TMED3: variants seen among roughly 807,000 people sequenced by gnomAD.
TMED3 encodes the protein transmembrane p24 trafficking protein 3, also known as transmembrane emp24 domain-containing protein 3.
A neutral mutation model predicts 15.0 loss-of-function variants in TMED3; 9 were observed. The observed-to-expected ratio is 0.60, with a 90% CI of 0.36 to 1.04. The LOEUF is 1.04. Among genes scored for constraint, TMED3 ranks in the 50% least tolerant of loss-of-function variants. TMED3 has a pLI of 0.01. For synonymous variants in TMED3, 117 were observed against 121.4 expected (o/e 0.96, Z 0.24); for missense variants, 267 against 278.9 (o/e 0.96, Z 0.30).
At chr15:79,360,088 G>A (rs1454557682) in intron 2 of TMED3, among the ~76,000 whole-genome samples, 2 of 152,220 alleles carry the variant, frequency 1.3e-5, no homozygotes, top group Non-Finnish European at 2.9e-5. Flanking sequence ...GAAAAAGTTA[G>A]GATCTGGGGC....
At position 79,333,437 on chromosome 15, in the gene TMED3, G is replaced by A. The variant is rs765126742; in HGVS notation, c.417+19432G>A. 3.3e-5 allele frequency among the ~76,000 whole-genome samples: 5 copies of A among 152,102 alleles called. No individual in the cohort carries two copies. The East Asian group carries it at 5.8e-4, about 18-fold the overall frequency. ...GCAACTGTCTTTTTCCTAATATAAC[G>A]CTAGACATAAGCGTTTGTATGCCCT... is the stretch of plus-strand genomic sequence containing the variant. On this transcript the variant is annotated intron_variant, in intron 2 of 2. Transcript: ENST00000424155.
At chr15:79,357,928 C>T (rs908122634) in intron 2 of TMED3, among the ~76,000 whole-genome samples, 15 of 152,214 alleles carry the variant, frequency 9.9e-5, no homozygotes, top group African/African-American at 2.9e-4. Flanking sequence ...GAGTCTAAGT[C>T]TCCAATTGCT....
downstream of TMED3, among the ~76,000 whole-genome samples, chr15:79,323,431 G>A (rs1352852131): frequency 6.6e-6 from 1 of 152,134 alleles, no homozygotes; most frequent in Non-Finnish European, 1.5e-5. Context: ...GATAAATGTT[G>A]CTTATCTTTC....
intron 2 of TMED3, among the ~76,000 whole-genome samples, chr15:79,405,257 C>A (rs1893888070): frequency 6.6e-6 from 1 of 152,192 alleles, no homozygotes; most frequent in South Asian, 2.1e-4. Context: ...CTCTGGGGGT[C>A]TGAGCTGAAA....
chr15:79,371,531 A>T (rs1164932885), intron 2 of TMED3, among the ~76,000 whole-genome samples: 1 of 152,234 alleles, frequency 6.6e-6, no homozygotes, highest in Non-Finnish European at 1.5e-5. Flanking sequence ...AATTTCTCAA[A>T]TCTGACTCTC....
chr15:79,386,704 A>AT (rs35828266), intron 2 of TMED3, among the ~76,000 whole-genome samples: 2,989 of 125,126 alleles, frequency 0.024, 124 homozygotes, highest in African/African-American at 0.075. Context: ...ATGCCTGGCT[A>AT]TTTTTTTTTT....
Position 79,322,763 on chromosome 15 carries a change from C to T in TMED3, c.*549C>T. The stretch of plus-strand genomic sequence containing the variant: ...AGCAGGACAGAATGGTGACTGGGTG[C>T]CCTTGGTGAGCTGTGTATTTCCTAG... On this transcript the variant is annotated 3_prime_UTR_variant, in exon 3 of 3. Transcript: ENST00000299705. 2.0e-6 allele frequency: 2 copies of T among 985,366 alleles called. No homozygotes were observed. Among genetic ancestry groups the T allele is most frequent in the Non-Finnish European group, 2.4e-6 (2 of 830,004 alleles). The allele number at this position is 985,366 out of a possible 1,614,324, so 61.0% of individuals were successfully genotyped here.
At chr15:79,410,283 G>A (rs1163402102) in intron 2 of TMED3, among the ~76,000 whole-genome samples, 1 of 152,140 alleles carries the variant, frequency 6.6e-6, no homozygotes, top group Non-Finnish European at 1.5e-5. Flanking sequence ...TAGGTAAAAT[G>A]ACAAAGCAAC....
chr15:79,375,588 G>T (rs375259515), intron 2 of TMED3, among the ~76,000 whole-genome samples: 3 of 152,160 alleles, frequency 2.0e-5, no homozygotes, highest in Admixed American at 6.5e-5. Context: ...GGCAAAGTGG[G>T]AGCAAGCATG....
intron 1 of TMED3, among the ~76,000 whole-genome samples, chr15:79,312,348 A>G (rs2058719369): frequency 6.6e-6 from 1 of 152,206 alleles, no homozygotes; most frequent in Non-Finnish European, 1.5e-5. Context: ...GACAACATGC[A>G]AATTGTGACT....
intron 2 of TMED3, among the ~76,000 whole-genome samples, chr15:79,352,928 TAA>T (rs1491352323): frequency 1.0e-5 from 1 of 98,678 alleles, no homozygotes; most frequent in Non-Finnish European, 2.0e-5. Flanking sequence ...AAAATATATA[TAA>T]TATATATACA....
At chr15:79,316,754 T>A (rs1282674230) in intron 2 of TMED3, among the ~76,000 whole-genome samples, 1 of 152,138 alleles carries the variant, frequency 6.6e-6, no homozygotes, top group Non-Finnish European at 1.5e-5. Context: ...CAGCCAGGAC[T>A]GGTGGTCTTA....
rs139541914 is a variant in TMED3 at position 79,322,066 on chromosome 15, G to T, written c.506G>T (p.Arg169Leu). Residue 169 changes from arginine to leucine, a missense_variant, in exon 3 of 3, where the codon CGG becomes CTG. Around this residue, in one of 3 missense-constraint regions of TMED3, gnomAD observed 139 missense variants for 125.0 expected, o/e 1.11. Coordinates refer to ENST00000299705, the MANE Select transcript of TMED3 (RefSeq NM_007364.4). ...TACCGGCTGCGGGAGGCCCAGGACC[G>T]GGCCCGAGCAGAAGACCTTAATAGC... ...THYRLREAQDRARAEDLNSRV... is the reference protein window; with the variant it reads ...THYRLREAQDLARAEDLNSRV... 1.0e-3 allele frequency: 1,662 copies of T among 1,614,202 alleles called. 3 individuals carry two copies. The highest frequency in any genetic ancestry group is 1.3e-3 in the Non-Finnish European group (1,572 of 1,180,040).
downstream of TMED3, among the ~76,000 whole-genome samples, chr15:79,326,832 G>C (rs1299490479): frequency 6.6e-6 from 1 of 152,178 alleles, no homozygotes; most frequent in African/African-American, 2.4e-5. Context: ...AGTCTGCTTA[G>C]TGTTGCGATA....
chr15:79,321,658 G>A (rs1223464782), intron 2 of TMED3, among the ~76,000 whole-genome samples: 1 of 152,158 alleles, frequency 6.6e-6, no homozygotes, highest in Non-Finnish European at 1.5e-5. Context: ...AACAGTGAGG[G>A]TAATGATCCG....
chr15:79,353,373 AAT>A (rs1174150378), intron 2 of TMED3, among the ~76,000 whole-genome samples: 1 of 120,688 alleles, frequency 8.3e-6, no homozygotes, highest in Non-Finnish European at 1.6e-5. Flanking sequence ...AAATATATAT[AAT>A]ATATATAAAA....
At chr15:79,387,196 A>C (rs931762893) in intron 2 of TMED3, among the ~76,000 whole-genome samples, 1 of 152,140 alleles carries the variant, frequency 6.6e-6, no homozygotes, top group Non-Finnish European at 1.5e-5. Context: ...TTTATATTTA[A>C]GTCTATAATC....
Position 79,322,120 on chromosome 15 carries a change from C to A in TMED3, c.560C>A (p.Thr187Lys). 1 of 1,614,198 alleles carries A rather than the reference C, an allele frequency of 6.2e-7. No homozygotes were observed. Among genetic ancestry groups the A allele is most frequent in the African/African-American group, 1.3e-5 (1 of 75,058 alleles). The change falls in exon 3 of 3, where the codon ACG (threonine) becomes AAG (lysine). Residue 187 changes from threonine to lysine, a missense_variant. By Grantham distance (78) the Thr-to-Lys change is moderately conservative. Around this residue, in one of 3 missense-constraint regions of TMED3, gnomAD observed 139 missense variants for 125.0 expected, o/e 1.11. Transcript: ENST00000299705. ...SRVSYWSVGETIALFVVSFSQ... is the reference protein window; with the variant it reads ...SRVSYWSVGEKIALFVVSFSQ... The stretch of plus-strand genomic sequence containing the variant: ...GTCTCTTACTGGTCTGTTGGCGAGA[C>A]GATTGCCCTGTTCGTGGTCAGCTTC...
chr15:79,322,659 C>T lies in TMED3; in HGVS notation c.*445C>T. 1 of 989,550 alleles carries T rather than the reference C, an allele frequency of 1.0e-6. No homozygotes were observed. The highest frequency in any genetic ancestry group is 1.2e-6 in the Non-Finnish European group (1 of 833,028). 61.3% of individuals were successfully genotyped at this position (989,550 alleles called of 1,614,324 possible). A position where few individuals can be genotyped will look rare whatever the true frequency, so the allele number is the denominator to read the frequency against. ...TTCTGGCTCTTCTTTCTTTGGGGTTCTCTGTACCTGAGGAAACCAGGCCCT... is the reference window on the plus strand; with the variant it reads ...TTCTGGCTCTTCTTTCTTTGGGGTTTTCTGTACCTGAGGAAACCAGGCCCT... On this transcript the variant is annotated 3_prime_UTR_variant, in exon 3 of 3. Coordinates refer to ENST00000299705, the MANE Select transcript of TMED3 (RefSeq NM_007364.4).
Sources: allele counts gnomAD v4.1 joint callset (sites outside exome capture counted in the v4.1 genomes callset), GRCh38; gene constraint gnomAD v4.1.1; regional missense constraint gnomAD v4.1.1; transcripts MANE v1.5; gene names NCBI Gene and HGNC (gene_info 2026-07-23, HGNC 2026-07-21).